ASTN1: variants seen among roughly 807,000 people sequenced by gnomAD.
ASTN1 encodes the protein astrotactin-1.
ASTN1 carries 41 observed loss-of-function variants against 140.7 expected under a neutral mutation model. That is an observed-to-expected ratio of 0.29 (90% CI 0.23 to 0.38). The LOEUF is 0.38. Ranked by LOEUF, ASTN1 falls within the 10% of genes least tolerant of loss-of-function variation. The probability of loss-of-function intolerance (pLI) is 1.00; values close to 1 mark genes in which losing one functional copy is unlikely to be tolerated. For missense variants in ASTN1, 1,479 were observed against 1,678.8 expected (o/e 0.88, Z 2.08); for synonymous variants, 640 against 652.2 (o/e 0.98, Z 0.29).
intron 1 of ASTN1, among the ~76,000 whole-genome samples, chr1:177,068,633 A>G (rs1413644702): frequency 1.3e-5 from 2 of 152,106 alleles, no homozygotes; most frequent in Non-Finnish European, 2.9e-5. Flanking sequence ...TTCTCTAGGA[A>G]TTGTCCAGCT....
intron 16 of ASTN1, among the ~76,000 whole-genome samples, chr1:176,923,115 C>G (rs1670808240): frequency 1.3e-5 from 2 of 152,276 alleles, no homozygotes; most frequent in South Asian, 4.1e-4. Context: ...GCAATTCTGT[C>G]TAATACTAAA....
At chr1:177,027,113 G>A (rs1380279878) in intron 5 of ASTN1, among the ~76,000 whole-genome samples, 1 of 152,176 alleles carries the variant, frequency 6.6e-6, no homozygotes, top group Non-Finnish European at 1.5e-5. Context: ...ACTTTGCACA[G>A]ATTATTTCCT....
At chr1:176,903,060 C>A (rs61638246) in intron 16 of ASTN1, among the ~76,000 whole-genome samples, 1 of 152,160 alleles carries the variant, frequency 6.6e-6, no homozygotes, top group Non-Finnish European at 1.5e-5. Context: ...TCAAGAAATA[C>A]ATCAGGATGG....
At chr1:177,039,184 TAAG>T (rs375361291) in intron 2 of ASTN1, among the ~76,000 whole-genome samples, 18 of 152,178 alleles carry the variant, frequency 1.2e-4, no homozygotes, top group African/African-American at 3.6e-4. Context: ...ACCTTAGGAG[TAAG>T]AAGAAGAGGG....
At chr1:176,876,473 C>T (rs2103019620) in intron 21 of ASTN1, 64 bp downstream of exon 21, 1 of 1,546,590 alleles carries the variant, frequency 6.5e-7, no homozygotes, top group Non-Finnish European at 8.9e-7. Context: ...CTTCTGTCCT[C>T]ATAGCAAGTG....
intron 1 of ASTN1, among the ~76,000 whole-genome samples, chr1:177,131,322 T>C (rs1397666618): frequency 6.6e-6 from 1 of 152,142 alleles, no homozygotes; most frequent in Non-Finnish European, 1.5e-5. Context: ...ATACCATAGA[T>C]GTTCACTGCA....
At chr1:176,906,728 C>T (rs1344763985) in intron 16 of ASTN1, among the ~76,000 whole-genome samples, 2 of 151,736 alleles carry the variant, frequency 1.3e-5, no homozygotes, top group Non-Finnish European at 2.9e-5. Context: ...GTGGTGTGTG[C>T]CTATAATCCC....
chr1:177,049,247 C>T (rs1030120456), intron 2 of ASTN1, among the ~76,000 whole-genome samples: 1 of 152,108 alleles, frequency 6.6e-6, no homozygotes, highest in African/African-American at 2.4e-5. Context: ...CACCTATGTG[C>T]TCCTGGTATG....
At chr1:176,988,314 T>TG (rs34395291) in intron 8 of ASTN1, among the ~76,000 whole-genome samples, 3 of 61,934 alleles carry the variant, frequency 4.8e-5, no homozygotes, top group African/African-American at 1.4e-4. Flanking sequence ...GAGGATATAT[T>TG]GGGAAAAAAA....
Position 176,876,541 on chromosome 1 carries a change from A to G in ASTN1, c.3459T>C (p.Ala1153=), listed in dbSNP as rs1257456935. 1 of 1,614,120 alleles carries G rather than the reference A, an allele frequency of 6.2e-7. No homozygotes were observed. Among genetic ancestry groups the G allele is most frequent in the Admixed American group, 1.7e-5 (1 of 60,008 alleles). Residue 1153 remains alanine (A), a synonymous_variant, in exon 21 of 23, where the codon GCT becomes GCC. Transcript: ENST00000361833. ...GCTAACTTCGATGTCTCTTACCTTGAGCCTTGACATCATCCACCACGGGGC... is the reference window on the plus strand; with the variant it reads ...GCTAACTTCGATGTCTCTTACCTTGGGCCTTGACATCATCCACCACGGGGC... ...TPCPVVDDVK[A]QEIADKIYNL...
At chr1:176,967,574 T>G (rs1268798385) in intron 8 of ASTN1, among the ~76,000 whole-genome samples, 1 of 152,232 alleles carries the variant, frequency 6.6e-6, no homozygotes, top group Non-Finnish European at 1.5e-5. Context: ...TGTGTAATTA[T>G]AGTTAATTGT....
intron 2 of ASTN1, among the ~76,000 whole-genome samples, chr1:177,041,634 G>T (rs1027100911): frequency 5.9e-5 from 9 of 152,178 alleles, no homozygotes; most frequent in African/African-American, 2.2e-4. Flanking sequence ...TTATGCAGTA[G>T]GTGATCTTGA....
At position 177,047,552 on chromosome 1, in the gene ASTN1, C is replaced by T. The variant is rs1004572670; in HGVS notation, c.471+13526G>A. ...CAAGCTGCATTTTATTAGATTCAGC[C>T]TGATGGTGGTTGAAGGGAATTTTTT... On this transcript the variant is annotated intron_variant, in intron 2 of 22. Transcript: ENST00000361833. 5.3e-5 allele frequency among the ~76,000 whole-genome samples: 8 copies of T among 152,214 alleles called. No homozygotes were observed. The East Asian group carries it at 1.5e-3, about 29-fold the overall frequency.
intron 8 of ASTN1, among the ~76,000 whole-genome samples, chr1:176,974,863 C>T (rs887500508): frequency 5.9e-5 from 9 of 152,146 alleles, no homozygotes. Flanking sequence ...CACACTTGAA[C>T]TTTTTGTCAT....
chr1:176,937,729 T>C (rs989538533), intron 14 of ASTN1, among the ~76,000 whole-genome samples: 1 of 152,154 alleles, frequency 6.6e-6, no homozygotes, highest in Non-Finnish European at 1.5e-5. Flanking sequence ...TATACAAATA[T>C]AAGGGCAATA....
At chr1:177,081,264 TATTC>T (rs964199491) in intron 1 of ASTN1, among the ~76,000 whole-genome samples, 1 of 152,208 alleles carries the variant, frequency 6.6e-6, no homozygotes, top group African/African-American at 2.4e-5. Context: ...TTTATTTGGT[TATTC>T]ATTCATTCCT....
chr1:177,031,449 T>G (rs1676440730), intron 3 of ASTN1, among the ~76,000 whole-genome samples: 1 of 152,218 alleles, frequency 6.6e-6, no homozygotes, highest in Non-Finnish European at 1.5e-5. Flanking sequence ...TAATAACCCC[T>G]GAGTACCATA....
chr1:176,919,446 G>A (rs2103071170), intron 16 of ASTN1, among the ~76,000 whole-genome samples: 1 of 152,172 alleles, frequency 6.6e-6, no homozygotes, highest in African/African-American at 2.4e-5. Context: ...AATTTTGAAG[G>A]AATCACACTT....
intron 1 of ASTN1, among the ~76,000 whole-genome samples, chr1:177,101,083 A>G (rs574030401): frequency 3.8e-4 from 57 of 151,938 alleles, no homozygotes; most frequent in South Asian, 1.2e-3. Context: ...CAAGAGTGAA[A>G]CTCTCTCAAA....
Sources: allele counts gnomAD v4.1 joint callset (sites outside exome capture counted in the v4.1 genomes callset), GRCh38; gene constraint gnomAD v4.1.1; transcripts MANE v1.5; gene names NCBI Gene and HGNC (gene_info 2026-07-23, HGNC 2026-07-21).